The following CCNH variants were observed in gnomAD, a reference collection of about 807,000 sequenced individuals.
The protein encoded by CCNH is cyclin H.
In CCNH, 31 loss-of-function variants were observed where a neutral mutation model predicts 41.9. The ratio of observed to expected loss-of-function variants is 0.74; its 90% CI spans 0.56 to 1.00. The LOEUF (loss-of-function observed/expected upper bound fraction) is 1.00, where lower values mean the gene tolerates loss of function less well. Among genes scored for constraint, CCNH ranks in the 50% least tolerant of loss-of-function variants. The pLI, the probability that CCNH is intolerant of heterozygous loss-of-function variation, is 0.00. For missense variants in CCNH, 362 were observed against 388.4 expected, an observed-to-expected ratio of 0.93 and a Z score of 0.57; for synonymous variants, 138 against 136.1, an observed-to-expected ratio of 1.01 and a Z score of -0.10.
chr5:87,394,620 A>ATAGT, intron 8 of CCNH, 136 bp from the exon 9 acceptor site: 1 of 1,488,654 alleles, frequency 6.7e-7, no homozygotes, highest in Non-Finnish European at 8.9e-7. Context: ...AAATTTTGTA[A>ATAGT]TAGTTCACTG....
chr5:87,347,451 A>T (rs922735463), intron 9 of CCNH, among the ~76,000 whole-genome samples: 1 of 152,048 alleles, frequency 6.6e-6, no homozygotes, highest in Non-Finnish European at 1.5e-5. Context: ...GGCAAACCAC[A>T]TCTTATAAAG....
At chr5:87,405,140 C>G (rs1189297147) in intron 4 of CCNH, 133 bp from the exon 5 acceptor site, 6 of 609,246 alleles carry the variant, frequency 9.8e-6, no homozygotes, top group Non-Finnish European at 1.7e-5. Flanking sequence ...CAGTAATTGA[C>G]ACTGTCCTCA....
intron 8 of CCNH, 72 bp downstream of exon 8, chr5:87,394,972 A>G (rs41271143): frequency 0.014 from 21,806 of 1,604,414 alleles, 248 homozygotes; most frequent in South Asian, 0.022. Context: ...TGGAGAATAA[A>G]TCTTAACAGT....
Position 87,386,014 on chromosome 5 carries a change from T to C in CCNH, c.*90+6756A>G, listed in dbSNP as rs147519139. Among the ~76,000 whole-genome samples, 4 of 152,204 alleles carry C rather than the reference T, an allele frequency of 2.6e-5. No homozygotes were observed. The East Asian group carries it at 7.7e-4, about 29-fold the overall frequency. On this transcript the variant is annotated intron_variant and NMD_transcript_variant, in intron 9 of 9. Transcript: ENST00000645953. The stretch of plus-strand genomic sequence containing the variant: ...GTAAAATCACTAAGTAAATACGTTT[T>C]AGGCTTTTGCTATGTGTTACAAGAT...
chr5:87,412,493 G>A, intron 1 of CCNH, 185 bp downstream of exon 1: 3 of 1,424,816 alleles, frequency 2.1e-6, no homozygotes, highest in East Asian at 2.5e-5. Context: ...CGACGGGGAT[G>A]GCGTTGTTCG....
In CCNH at chr5:87,376,576, A is replaced by ATT. The variant is rs1364323350; in HGVS notation, n.603_604dup. 1.2e-6 allele frequency: 2 copies of ATT among 1,608,392 alleles called. No homozygotes were observed. The highest frequency in any genetic ancestry group is 2.7e-5 in the African/African-American group (2 of 74,772). ...AGTGAATTTAAAGAGGTATTAAATTATTTATCAGTCTTGTTTTTGTTGGAA... is the reference window on the plus strand; with the variant it reads ...AGTGAATTTAAAGAGGTATTAAATTATTTTTATCAGTCTTGTTTTTGTTGGAA... On this transcript the variant is annotated non_coding_transcript_exon_variant, in exon 1 of 1. Coordinates refer to the CCNH transcript ENST00000607486.
In CCNH at chr5:87,338,540, T is replaced by A. The variant is rs1425885466; in HGVS notation, c.*91-19643A>T. On this transcript the variant is annotated intron_variant and NMD_transcript_variant, in intron 9 of 9. Transcript: ENST00000645953. ...ATATATATATATATATATAAAATTT[T>A]TTTTTTTTTTAAGTAGAAATGGGGT... Among the ~76,000 whole-genome samples, 469 of 136,654 alleles carry A rather than the reference T, an allele frequency of 3.4e-3. 22 individuals carry two copies. Among genetic ancestry groups the A allele is most frequent in the Admixed American group, 0.021 (284 of 13,468 alleles). The allele number at this position is 136,654 out of a possible 152,430, so 89.7% of individuals were successfully genotyped here.
intron 5 of CCNH, among the ~76,000 whole-genome samples, chr5:87,403,343 T>G (rs1448567783): frequency 6.6e-6 from 1 of 152,194 alleles, no homozygotes; most frequent in Admixed American, 6.5e-5. Flanking sequence ...GGAATTATAA[T>G]GAACTAAACT....
At chr5:87,335,339 C>G in intron 9 of CCNH, among the ~76,000 whole-genome samples, 1 of 147,672 alleles carries the variant, frequency 6.8e-6, no homozygotes, top group Non-Finnish European at 1.5e-5. Context: ...TTTAGACATT[C>G]TGTATTGGCC....
At chr5:87,384,929 G>C (rs1409524140) in intron 9 of CCNH, among the ~76,000 whole-genome samples, 1 of 152,078 alleles carries the variant, frequency 6.6e-6, no homozygotes, top group East Asian at 1.9e-4. Flanking sequence ...AACCTGAGTA[G>C]GTTGAAATTA....
At chr5:87,401,285 C>G (rs1763388854) in intron 6 of CCNH, among the ~76,000 whole-genome samples, 1 of 152,196 alleles carries the variant, frequency 6.6e-6, no homozygotes, top group Non-Finnish European at 1.5e-5. Flanking sequence ...TTAACAGTGC[C>G]TTCTCTGAGT....
chr5:87,348,980 A>G (rs571810556), intron 9 of CCNH, among the ~76,000 whole-genome samples: 1 of 151,788 alleles, frequency 6.6e-6, no homozygotes, highest in Non-Finnish European at 1.5e-5. Flanking sequence ...TCTGCTCTCT[A>G]TTTTTATGTA....
At chr5:87,374,271 C>T (rs1255874372), downstream of CCNH, 2 of 1,604,364 alleles carry the variant, frequency 1.2e-6, no homozygotes, top group Non-Finnish European at 1.7e-6. Flanking sequence ...AGCAAAAACT[C>T]ATGCAAGGGA....
chr5:87,403,349 A>G (rs2112565954), intron 5 of CCNH, among the ~76,000 whole-genome samples: 2 of 152,342 alleles, frequency 1.3e-5, no homozygotes, highest in South Asian at 4.1e-4. Flanking sequence ...ATAATGAACT[A>G]AACTTCTAAG....
chr5:87,384,790 G>A (rs1761953480), intron 9 of CCNH, among the ~76,000 whole-genome samples: 1 of 152,068 alleles, frequency 6.6e-6, no homozygotes, highest in African/African-American at 2.4e-5. Flanking sequence ...TATTTTAAAA[G>A]TTTATTAAAT....
At chr5:87,312,133 A>G in the CCNH span, among the ~76,000 whole-genome samples, 1 of 152,262 alleles carries the variant, frequency 6.6e-6, no homozygotes, top group Non-Finnish European at 1.5e-5. Flanking sequence ...TCAGTAAATG[A>G]TAGACCAGTG....
rs141085211 is a variant in CCNH at position 87,336,062 on chromosome 5, C to T, written c.*91-17165G>A. Among the ~76,000 whole-genome samples the T allele has an allele frequency of 2.7e-3, 418 of 152,148 alleles. 5 individuals carry two copies. The highest frequency in any genetic ancestry group is 8.3e-3 in the East Asian group (43 of 5,180). On this transcript the variant is annotated intron_variant and NMD_transcript_variant, in intron 9 of 9. Transcript: ENST00000645953. ...CATTCTTAGGTGAAGCCAGATTTTC[C>T]TCATATGTTTTAAGCAAAAAAATCA...
intron 7 of CCNH, among the ~76,000 whole-genome samples, chr5:87,398,482 G>A (rs1312972456): frequency 1.3e-5 from 2 of 152,064 alleles, no homozygotes; most frequent in Non-Finnish European, 2.9e-5. Context: ...ATAGAAAATG[G>A]CAGTTTCATT....
downstream of CCNH, chr5:87,389,579 G>T: frequency 6.3e-7 from 1 of 1,599,092 alleles, no homozygotes; most frequent in South Asian, 1.1e-5. Context: ...ATAACACTTA[G>T]AGAGTTAATA....
Sources: gnomAD v4.1 joint callset for allele counts (sites outside exome capture counted in the v4.1 genomes callset) on GRCh38, gnomAD v4.1.1 for gene constraint, MANE v1.5 for transcripts, NCBI Gene and HGNC (gene_info 2026-07-23, HGNC 2026-07-21) for gene names.